The following CADM2 variants were observed in gnomAD, a reference collection of about 807,000 sequenced individuals.
CADM2 encodes immunoglobulin superfamily member 4D.
A neutral mutation model predicts 49.8 loss-of-function variants in CADM2; 12 were observed. The observed-to-expected ratio is 0.24, with a 90% CI of 0.15 to 0.39. The LOEUF (loss-of-function observed/expected upper bound fraction) is 0.39, where lower values mean the gene tolerates loss of function less well. CADM2 is among the 10% of genes least tolerant of loss of function. CADM2 has a pLI of 1.00. For synonymous variants in CADM2, 214 were observed against 175.4 expected, an observed-to-expected ratio of 1.22 and a Z score of -1.74; for missense variants, 378 against 492.3, an observed-to-expected ratio of 0.77 and a Z score of 2.20.
At chr3:85,043,292 T>C (rs1004028665) in intron 1 of CADM2, among the ~76,000 whole-genome samples, 2 of 151,936 alleles carry the variant, frequency 1.3e-5, no homozygotes, top group Non-Finnish European at 2.9e-5. Context: ...CTCATTTTCT[T>C]CAGCTTGAAA....
intron 8 of CADM2, among the ~76,000 whole-genome samples, chr3:86,055,641 T>G (rs1332274098): frequency 6.6e-6 from 1 of 151,778 alleles, no homozygotes; most frequent in Admixed American, 6.6e-5. Flanking sequence ...TAATATTTTA[T>G]TTTAGGGCAC....
intron 8 of CADM2, among the ~76,000 whole-genome samples, chr3:86,011,436 A>C (rs994876246): frequency 2.6e-5 from 4 of 152,148 alleles, no homozygotes; most frequent in Admixed American, 6.5e-5. Flanking sequence ...GGAAAACTCC[A>C]TTCAAGAAAC....
intron 1 of CADM2, among the ~76,000 whole-genome samples, chr3:85,153,935 C>G (rs1052429528): frequency 2.6e-5 from 4 of 152,078 alleles, no homozygotes; most frequent in Non-Finnish European, 5.9e-5. Flanking sequence ...AAAAACCCAT[C>G]TGTACATCAC....
In CADM2 at chr3:85,364,143, T is replaced by G. The variant is rs1357550482; in HGVS notation, c.62-362379T>G. 2.6e-5 allele frequency among the ~76,000 whole-genome samples: 4 copies of G among 152,334 alleles called. No homozygotes were observed. The East Asian group carries it at 5.8e-4, about 22-fold the overall frequency. On this transcript the variant is annotated intron_variant, in intron 1 of 9. Transcript: ENST00000383699. ...TATTAAAATATATTTTTAAAGCACA[T>G]GCTGTCTTTGTCTCATTAGAGTGAT...
At chr3:85,472,327 TTTAAAAAA>T (rs1462005310) in intron 1 of CADM2, among the ~76,000 whole-genome samples, 4 of 151,970 alleles carry the variant, frequency 2.6e-5, no homozygotes, top group Non-Finnish European at 1.5e-5. Context: ...TTGCCAAACT[TTTAAAAAA>T]TTATTTTTAC....
Position 85,281,030 on chromosome 3 carries a change from T to C in CADM2, c.61+321362T>C, listed in dbSNP as rs72919257. 5.9e-3 allele frequency among the ~76,000 whole-genome samples: 902 copies of C among 151,976 alleles called. 13 individuals are homozygous for C. The highest frequency in any genetic ancestry group is 0.02 in the African/African-American group (840 of 41,544). Reference sequence around the variant, plus strand: ...ATAAATTCAAAGCGATCTTAAATAATCTCAACATCTAGGATTAAATGTAAA... The same window carrying C: ...ATAAATTCAAAGCGATCTTAAATAACCTCAACATCTAGGATTAAATGTAAA... On this transcript the variant is annotated intron_variant, in intron 1 of 9. Coordinates refer to ENST00000383699, the MANE Select transcript of CADM2 (RefSeq NM_001167675.2).
chr3:85,099,997 C>T (rs1160449382), intron 1 of CADM2, among the ~76,000 whole-genome samples: 3 of 151,818 alleles, frequency 2.0e-5, no homozygotes, highest in Admixed American at 2.0e-4. Context: ...TTGTTCTGCA[C>T]TTTCTGATTT....
chr3:85,369,532 G>T (rs997400375), intron 1 of CADM2, among the ~76,000 whole-genome samples: 1 of 152,172 alleles, frequency 6.6e-6, no homozygotes. Context: ...ACTTTGGGAG[G>T]CTGAGGCGGG....
intron 1 of CADM2, among the ~76,000 whole-genome samples, chr3:85,575,640 A>G (rs1396907962): frequency 6.6e-6 from 1 of 152,212 alleles, no homozygotes; most frequent in East Asian, 1.9e-4. Flanking sequence ...TTTATGTAAA[A>G]TAAAGAAGAT....
At chr3:85,573,817 A>G (rs1384229162) in intron 1 of CADM2, among the ~76,000 whole-genome samples, 1 of 152,146 alleles carries the variant, frequency 6.6e-6, no homozygotes, top group Non-Finnish European at 1.5e-5. Context: ...CTAATGTCTA[A>G]TCACTTTAAT....
intron 1 of CADM2, among the ~76,000 whole-genome samples, chr3:85,423,513 G>T (rs2036268272): frequency 6.6e-6 from 1 of 152,054 alleles, no homozygotes; most frequent in Non-Finnish European, 1.5e-5. Flanking sequence ...AATCATGATT[G>T]GCCTACGAAT....
chr3:85,227,521 A>G (rs1233397148), intron 1 of CADM2, among the ~76,000 whole-genome samples: 5 of 130,972 alleles, frequency 3.8e-5, no homozygotes, highest in African/African-American at 5.9e-5. Flanking sequence ...TTTTGAGCCT[A>G]TGTATGTCTT....
chr3:85,511,063 A>G (rs1269714462), intron 1 of CADM2, among the ~76,000 whole-genome samples: 1 of 152,054 alleles, frequency 6.6e-6, no homozygotes, highest in Non-Finnish European at 1.5e-5. Context: ...CTCAACTAAT[A>G]TTTCACACGT....
At chr3:85,520,671 T>C (rs2061009199) in intron 1 of CADM2, among the ~76,000 whole-genome samples, 1 of 152,070 alleles carries the variant, frequency 6.6e-6, no homozygotes, top group African/African-American at 2.4e-5. Flanking sequence ...CTCTAGCTTA[T>C]ATCAGAGAGG....
At chr3:85,782,931 A>G (rs1318693089) in intron 2 of CADM2, among the ~76,000 whole-genome samples, 1 of 152,162 alleles carries the variant, frequency 6.6e-6, no homozygotes, top group Non-Finnish European at 1.5e-5. Context: ...TTCCAAAAGT[A>G]CATTTAAAAC....
In CADM2 at chr3:84,993,237, T is replaced by G. The variant is rs1000447076; in HGVS notation, c.61+33569T>G. 1.9e-4 allele frequency among the ~76,000 whole-genome samples: 29 copies of G among 152,158 alleles called. 1 individual carries two copies. The highest frequency in any genetic ancestry group is 1.5e-5 in the Non-Finnish European group (1 of 68,026). On this transcript the variant is annotated intron_variant, in intron 1 of 9. Transcript: ENST00000383699. ...AATTCCTAAAACGAAAAGAAGTGTG[T>G]TAGCAAAAGGAGGATAGGAGTGTGC...
intron 1 of CADM2, among the ~76,000 whole-genome samples, chr3:85,416,670 T>C (rs2107485678): frequency 6.6e-6 from 1 of 152,278 alleles, no homozygotes; most frequent in South Asian, 2.1e-4. Flanking sequence ...GGGACAAGCC[T>C]GGAATACGAA....
At chr3:85,548,555 TAAG>T (rs1300566338) in intron 1 of CADM2, among the ~76,000 whole-genome samples, 3 of 151,634 alleles carry the variant, frequency 2.0e-5, no homozygotes, top group African/African-American at 7.3e-5. Flanking sequence ...ATCAGAATAA[TAAG>T]AAACAGCAGA....
intron 1 of CADM2, among the ~76,000 whole-genome samples, chr3:85,399,327 T>G (rs1358388438): frequency 1.3e-5 from 2 of 152,180 alleles, no homozygotes; most frequent in African/African-American, 4.8e-5. Flanking sequence ...CTGAGGGCTC[T>G]GTTCTGTTCC....
Sources: gnomAD v4.1 joint callset for allele counts (sites outside exome capture counted in the v4.1 genomes callset) on GRCh38, gnomAD v4.1.1 for gene constraint, MANE v1.5 for transcripts, NCBI Gene and HGNC (gene_info 2026-07-23, HGNC 2026-07-21) for gene names.